Variants in ABCG2 observed in about 807,000 individuals in gnomAD.
ABCG2 encodes the protein ATP binding cassette subfamily G member 2 (JR blood group).
ABCG2 carries 80 observed loss-of-function variants against 73.5 expected under a neutral mutation model. The observed-to-expected ratio is 1.09, with a 90% CI of 0.91 to 1.31. The LOEUF (loss-of-function observed/expected upper bound fraction) is 1.31. ABCG2 is among the 50% of genes most tolerant of loss of function. ABCG2 has a pLI of 0.00. For missense variants in ABCG2, 796 were observed against 786.2 expected, an observed-to-expected ratio of 1.01 and a Z score of -0.15; for synonymous variants, 269 against 282.4, an observed-to-expected ratio of 0.95 and a Z score of 0.48.
At chr4:88,169,947 C>T (rs577344584) in intron 1 of ABCG2, among the ~76,000 whole-genome samples, 1 of 152,040 alleles carries the variant, frequency 6.6e-6, no homozygotes, top group East Asian at 1.9e-4. Flanking sequence ...CCCGTCTCTA[C>T]TAAAAATACA....
rs142849884 is a variant in ABCG2, at chr4:88,183,707, T to C, written c.-19-43693A>G. Among the ~76,000 whole-genome samples the C allele has an allele frequency of 8.8e-3, 1,329 of 151,218 alleles. 6 individuals carry two copies. Among genetic ancestry groups the C allele is most frequent in the Non-Finnish European group, 0.015 (988 of 67,830 alleles). ...GGAAGAGGGAATAATTCCAAACTCATCCTATGAGGCCAGTGTTACCTTGAT... is the reference window on the plus strand; with the variant it reads ...GGAAGAGGGAATAATTCCAAACTCACCCTATGAGGCCAGTGTTACCTTGAT... On this transcript the variant is annotated intron_variant, in intron 1 of 15. Coordinates refer to the ABCG2 transcript ENST00000515655.
chr4:88,193,046 T>C (rs1445098209), intron 1 of ABCG2, among the ~76,000 whole-genome samples: 2 of 152,062 alleles, frequency 1.3e-5, no homozygotes, highest in Non-Finnish European at 2.9e-5. Flanking sequence ...TAAGTGACAA[T>C]GTGCCCTTTC....
At chr4:88,153,236 G>A (rs1161934449) in intron 1 of ABCG2, among the ~76,000 whole-genome samples, 1 of 151,708 alleles carries the variant, frequency 6.6e-6, no homozygotes, top group Non-Finnish European at 1.5e-5. Context: ...GAGCGGGCAT[G>A]TATGAGTAGT....
intron 1 of ABCG2, among the ~76,000 whole-genome samples, chr4:88,144,682 C>T (rs1725861509): frequency 6.6e-6 from 1 of 152,066 alleles, no homozygotes; most frequent in Admixed American, 6.6e-5. Flanking sequence ...GTTTCAAACT[C>T]CTGACCTCAG....
At chr4:88,137,024 A>G (rs940534123) in intron 2 of ABCG2, among the ~76,000 whole-genome samples, 1 of 131,050 alleles carries the variant, frequency 7.6e-6, no homozygotes, top group African/African-American at 3.6e-5. Context: ...ATAAAATAAA[A>G]TAAAATAAAA....
chr4:88,115,504 G>A (rs1034112702), intron 7 of ABCG2, among the ~76,000 whole-genome samples: 4 of 148,824 alleles, frequency 2.7e-5, no homozygotes, highest in South Asian at 2.1e-4. Context: ...GGCTGGTCTC[G>A]AACTCCTGGC....
intron 1 of ABCG2, among the ~76,000 whole-genome samples, chr4:88,219,818 T>C (rs1729949943): frequency 1.3e-5 from 2 of 151,426 alleles, no homozygotes; most frequent in African/African-American, 4.9e-5. Context: ...CTCGATCTCC[T>C]GACCTCGTGA....
chr4:88,166,470 T>C (rs1361379747), intron 1 of ABCG2, among the ~76,000 whole-genome samples: 1 of 152,158 alleles, frequency 6.6e-6, no homozygotes, highest in Non-Finnish European at 1.5e-5. Context: ...TAAGTGTAAA[T>C]AAACCTTGTC....
intron 5 of ABCG2, among the ~76,000 whole-genome samples, chr4:88,125,291 C>CAAA (rs1054771193): frequency 8.3e-6 from 1 of 120,784 alleles, no homozygotes. Context: ...GACTCTGTCT[C>CAAA]AAAAAAAAAA....
chr4:88,155,724 G>A lies in ABCG2; in HGVS notation c.-20+2662C>T, dbSNP rs1452102079. 1.6e-4 allele frequency among the ~76,000 whole-genome samples: 25 copies of A among 151,578 alleles called. 1 individual carries two copies. The highest frequency in any genetic ancestry group is 1.6e-3 in the Admixed American group (25 of 15,238). Reference sequence around the variant, plus strand: ...GTTCGAGACCAGCCTGGCCAACATGGCAAAACCTCGTCTTTACTAAAAACA... The same window carrying A: ...GTTCGAGACCAGCCTGGCCAACATGACAAAACCTCGTCTTTACTAAAAACA... On this transcript the variant is annotated intron_variant, in intron 1 of 15. Coordinates refer to ENST00000237612, the MANE Select transcript of ABCG2 (RefSeq NM_004827.3).
At chr4:88,121,846 G>A (rs1360632966) in intron 5 of ABCG2, 54 bp from the exon 6 acceptor site, 6 of 1,561,490 alleles carry the variant, frequency 3.8e-6, no homozygotes, top group Non-Finnish European at 5.3e-6. Flanking sequence ...TTATCATTTG[G>A]TGAGCTCCTA....
chr4:88,144,549 G>A (rs149699525), intron 1 of ABCG2, among the ~76,000 whole-genome samples: 274 of 140,268 alleles, frequency 2.0e-3, no homozygotes, highest in African/African-American at 6.5e-3. Flanking sequence ...TCCGCCTCCC[G>A]GGTTCAAGTG....
At chr4:88,115,668 T>G (rs1194060400) in intron 7 of ABCG2, among the ~76,000 whole-genome samples, 1 of 151,304 alleles carries the variant, frequency 6.6e-6, no homozygotes, top group East Asian at 1.9e-4. Flanking sequence ...CAAGCCAACC[T>G]TGGATTTGCA....
chr4:88,211,361 C>CT (rs1238277252), intron 1 of ABCG2, among the ~76,000 whole-genome samples: 2 of 55,172 alleles, frequency 3.6e-5, no homozygotes, highest in Non-Finnish European at 8.1e-5. Context: ...AACCCCTGCC[C>CT]CACCCCCCCC....
intron 1 of ABCG2, among the ~76,000 whole-genome samples, chr4:88,154,187 T>G (rs1222233962): frequency 6.6e-6 from 1 of 152,202 alleles, no homozygotes; most frequent in Non-Finnish European, 1.5e-5. Context: ...AGTTGCTTTT[T>G]TAGCTAACTT....
chr4:88,191,796 A>G (rs967874921), intron 1 of ABCG2, among the ~76,000 whole-genome samples: 1 of 152,244 alleles, frequency 6.6e-6, no homozygotes, highest in Non-Finnish European at 1.5e-5. Context: ...ATGAAGTACT[A>G]ATTCATGCTA....
chr4:88,170,958 A>G (rs1727732326), intron 1 of ABCG2, among the ~76,000 whole-genome samples: 1 of 152,238 alleles, frequency 6.6e-6, no homozygotes, highest in African/African-American at 2.4e-5. Flanking sequence ...GAATGAGATC[A>G]TGTCTTACAG....
At chr4:88,224,264 C>A (rs1187292544) in intron 1 of ABCG2, among the ~76,000 whole-genome samples, 1 of 151,996 alleles carries the variant, frequency 6.6e-6, no homozygotes, top group African/African-American at 2.4e-5. Context: ...AGCAAAACCC[C>A]TTCTCTACTA....
At chr4:88,190,342 C>T (rs990290885) in intron 1 of ABCG2, among the ~76,000 whole-genome samples, 4 of 152,138 alleles carry the variant, frequency 2.6e-5, no homozygotes, top group African/African-American at 9.7e-5. Context: ...ACTCATCAGT[C>T]CCTAATCTCC....
Sources: gnomAD v4.1 joint callset for allele counts (sites outside exome capture counted in the v4.1 genomes callset) on GRCh38, gnomAD v4.1.1 for gene constraint, MANE v1.5 for transcripts, NCBI Gene and HGNC (gene_info 2026-07-23, HGNC 2026-07-21) for gene names.